The following CAMKMT variants were observed in gnomAD, a reference collection of about 807,000 sequenced individuals.
CAMKMT encodes the protein CaM KMT.
CAMKMT carries 53 observed loss-of-function variants against 48.0 expected under a neutral mutation model. That is an observed-to-expected ratio of 1.10 (90% confidence interval 0.89 to 1.39). The LOEUF (loss-of-function observed/expected upper bound fraction) is 1.39. Ranked by LOEUF, CAMKMT falls within the 40% of genes most tolerant of loss-of-function variation. The pLI is 0.00. For missense variants in CAMKMT, 428 were observed against 402.7 expected (o/e 1.06, Z -0.54); for synonymous variants, 165 against 152.3 (o/e 1.08, Z -0.61).
chr2:44,457,348 C>T (rs1428904027), intron 3 of CAMKMT: 4 of 151,608 alleles, frequency 2.6e-5, no homozygotes, highest in African/African-American at 4.8e-5. Flanking sequence ...CTGAGAGTAC[C>T]AACTTGCCAA....
intron 3 of CAMKMT, among the ~76,000 whole-genome samples, chr2:44,588,749 G>A (rs1419492972): frequency 2.4e-5 from 1 of 42,026 alleles, no homozygotes; most frequent in Non-Finnish European, 4.9e-5. Context: ...GGTGAGGGGC[G>A]CCTCTGCCCG....
intron 3 of CAMKMT, among the ~76,000 whole-genome samples, chr2:44,643,508 C>T (rs931848461): frequency 1.3e-5 from 2 of 152,028 alleles, no homozygotes; most frequent in Non-Finnish European, 2.9e-5. Context: ...GGAGCTAGAT[C>T]GGTAAAGATG....
intron 3 of CAMKMT, among the ~76,000 whole-genome samples, chr2:44,449,756 A>G (rs1667193194): frequency 6.6e-6 from 1 of 152,186 alleles, no homozygotes; most frequent in Admixed American, 6.6e-5. Context: ...AGTATCTGAC[A>G]TGAAATAACA....
intron 3 of CAMKMT, among the ~76,000 whole-genome samples, chr2:44,597,781 G>C (rs565074506): frequency 1.3e-5 from 2 of 152,060 alleles, no homozygotes; most frequent in African/African-American, 4.8e-5. Context: ...TCTTCACCTG[G>C]GCTGGAGTGC....
chr2:44,455,835 A>G (rs547044810), intron 3 of CAMKMT, among the ~76,000 whole-genome samples: 20 of 152,296 alleles, frequency 1.3e-4, no homozygotes, highest in African/African-American at 4.3e-4. Context: ...TTTAGAATTC[A>G]TTGTAGTTGG....
At chr2:44,639,592 T>C (rs4953124) in intron 3 of CAMKMT, among the ~76,000 whole-genome samples, 18,433 of 152,250 alleles carry the variant, frequency 0.12, 1,326 homozygotes, top group Admixed American at 0.22. Context: ...GTGCCTGATA[T>C]TGGGAAAGCA....
chr2:44,384,928 T>A (rs1218355988), intron 2 of CAMKMT, among the ~76,000 whole-genome samples: 2 of 152,178 alleles, frequency 1.3e-5, no homozygotes, highest in African/African-American at 4.8e-5. Context: ...CCTCCAGATT[T>A]GTTCTTTTTG....
intron 3 of CAMKMT, among the ~76,000 whole-genome samples, chr2:44,561,075 A>G (rs957206791): frequency 6.6e-6 from 1 of 152,172 alleles, no homozygotes; most frequent in Non-Finnish European, 1.5e-5. Flanking sequence ...GTTTTGTAAC[A>G]TTCTTGTTTG....
At chr2:44,717,935 C>G (rs1678259008) in intron 7 of CAMKMT, among the ~76,000 whole-genome samples, 1 of 152,060 alleles carries the variant, frequency 6.6e-6, no homozygotes, top group Non-Finnish European at 1.5e-5. Context: ...TAACTATCAG[C>G]ATTTCTCCTG....
At chr2:44,398,934 C>G (rs1682108294) in intron 3 of CAMKMT, among the ~76,000 whole-genome samples, 1 of 152,140 alleles carries the variant, frequency 6.6e-6, no homozygotes, top group Non-Finnish European at 1.5e-5. Flanking sequence ...CTTCTCTGAA[C>G]TTTTACTCTC....
chr2:44,759,169 G>A (rs1486160008), intron 9 of CAMKMT, among the ~76,000 whole-genome samples: 1 of 152,146 alleles, frequency 6.6e-6, no homozygotes, highest in Non-Finnish European at 1.5e-5. Flanking sequence ...TGGTCACCAG[G>A]CTAGAGTACA....
chr2:44,460,935 C>G (rs1250717827), intron 3 of CAMKMT, among the ~76,000 whole-genome samples: 4 of 151,996 alleles, frequency 2.6e-5, no homozygotes, highest in African/African-American at 9.7e-5. Flanking sequence ...GTTGGCCAGG[C>G]TGGTCTCGAA....
At chr2:44,674,186 A>T (rs1021190070) in intron 3 of CAMKMT, among the ~76,000 whole-genome samples, 6 of 152,238 alleles carry the variant, frequency 3.9e-5, no homozygotes, top group African/African-American at 1.4e-4. Flanking sequence ...TGTAAGAGTC[A>T]ACTAGAATAT....
chr2:44,527,791 C>T (rs953372189), intron 3 of CAMKMT, among the ~76,000 whole-genome samples: 14 of 132,898 alleles, frequency 1.1e-4, no homozygotes, highest in East Asian at 2.5e-4. Flanking sequence ...TACAGCCCCC[C>T]CCCCCATTAT....
At chr2:44,511,520 C>G (rs1393379424) in intron 3 of CAMKMT, among the ~76,000 whole-genome samples, 1 of 151,996 alleles carries the variant, frequency 6.6e-6, no homozygotes, top group Non-Finnish European at 1.5e-5. Flanking sequence ...AACTCCTGAC[C>G]TCAGGCAATC....
At chr2:44,522,216 G>A (rs576840284) in intron 3 of CAMKMT, among the ~76,000 whole-genome samples, 12 of 151,736 alleles carry the variant, frequency 7.9e-5, no homozygotes, top group African/African-American at 2.7e-4. Context: ...TGTATTAGCC[G>A]GGATGGTCTT....
intron 3 of CAMKMT, among the ~76,000 whole-genome samples, chr2:44,498,138 T>C (rs1355801109): frequency 5.3e-5 from 8 of 152,270 alleles, no homozygotes; most frequent in Admixed American, 3.3e-4. Context: ...TTGAGAGAGA[T>C]CCATCATAGC....
chr2:44,615,115 A>C (rs534404015), intron 3 of CAMKMT, among the ~76,000 whole-genome samples: 1 of 151,442 alleles, frequency 6.6e-6, no homozygotes, highest in African/African-American at 2.4e-5. Flanking sequence ...TTTTAGAGAT[A>C]GGGTCTTGCT....
intron 3 of CAMKMT, among the ~76,000 whole-genome samples, chr2:44,556,450 C>CTTTTTTTTTTT (rs1176467214): frequency 4.0e-5 from 2 of 50,278 alleles, no homozygotes; most frequent in Non-Finnish European, 7.1e-5. Flanking sequence ...ATTTTTCTTT[C>CTTTTTTTTTTT]TTTTTTTTTT....
Sources: gnomAD v4.1 joint callset for allele counts (sites outside exome capture counted in the v4.1 genomes callset) on GRCh38, gnomAD v4.1.1 for gene constraint, MANE v1.5 for transcripts, NCBI Gene and HGNC (gene_info 2026-07-23, HGNC 2026-07-21) for gene names.